GOLM2: variants seen among roughly 807,000 people sequenced by gnomAD.
GOLM2 encodes the protein golgi membrane protein 2, also known as protein GOLM2.
A neutral mutation model predicts 55.9 loss-of-function variants in GOLM2; 26 were observed. The ratio of observed to expected loss-of-function variants is 0.47; its 90% CI spans 0.34 to 0.65. The LOEUF (loss-of-function observed/expected upper bound fraction) is 0.65. GOLM2 is among the 30% of genes least tolerant of loss of function. The pLI is 0.01. For missense variants in GOLM2, 486 were observed against 531.8 expected (o/e 0.91, Z 0.85); for synonymous variants, 165 against 194.6 (o/e 0.85, Z 1.27).
At chr15:44,376,282 T>A (rs1280219655) in intron 6 of GOLM2, among the ~76,000 whole-genome samples, 1 of 152,092 alleles carries the variant, frequency 6.6e-6, no homozygotes, top group Non-Finnish European at 1.5e-5. Context: ...CTATGTTGTT[T>A]CTTGTTTTTA....
At chr15:44,305,103 T>C (rs904333210) in intron 1 of GOLM2, among the ~76,000 whole-genome samples, 30 of 152,138 alleles carry the variant, frequency 2.0e-4, no homozygotes, top group South Asian at 6.2e-4. Flanking sequence ...TGGACTCAGG[T>C]GATCCTCCTA....
intron 1 of GOLM2, among the ~76,000 whole-genome samples, chr15:44,312,654 A>G (rs763899500): frequency 3.9e-5 from 6 of 152,148 alleles, no homozygotes; most frequent in Admixed American, 6.6e-5. Context: ...CATTTAAAAA[A>G]TAGTTGTCTG....
At chr15:44,379,258 C>A (rs2079385352) in intron 6 of GOLM2, among the ~76,000 whole-genome samples, 1 of 152,070 alleles carries the variant, frequency 6.6e-6, no homozygotes, top group South Asian at 2.1e-4. Flanking sequence ...AAGCAGATCA[C>A]CTGAGATCCA....
chr15:44,399,899 G>A (rs2079553387), intron 8 of GOLM2, among the ~76,000 whole-genome samples: 1 of 151,858 alleles, frequency 6.6e-6, no homozygotes, highest in African/African-American at 2.4e-5. Flanking sequence ...GGAGGCTGAA[G>A]CAGGAGAATT....
intron 4 of GOLM2, among the ~76,000 whole-genome samples, chr15:44,335,963 C>T (rs746759565): frequency 3.3e-5 from 5 of 151,376 alleles, no homozygotes; most frequent in Non-Finnish European, 7.4e-5. Context: ...TACAAGCATG[C>T]GCCACCATGC....
intron 4 of GOLM2, 102 bp from the exon 5 acceptor site, chr15:44,337,661 A>G (rs2079065981): frequency 1.3e-6 from 1 of 772,826 alleles, no homozygotes; most frequent in South Asian, 2.2e-5. Context: ...CCCATGGTAT[A>G]TGTTTTACAA....
chr15:44,412,920 T>C (rs1004916911), intron 9 of GOLM2, among the ~76,000 whole-genome samples: 5 of 151,864 alleles, frequency 3.3e-5, no homozygotes, highest in African/African-American at 1.2e-4. Context: ...GGAGAATCGC[T>C]TGATCCTGGG....
intron 1 of GOLM2, among the ~76,000 whole-genome samples, chr15:44,313,230 G>A (rs1045753398): frequency 1.3e-5 from 2 of 152,160 alleles, no homozygotes; most frequent in Non-Finnish European, 2.9e-5. Context: ...TCCAGCCTGG[G>A]CTACAGAGTG....
At chr15:44,300,660 T>G (rs1453108137) in intron 1 of GOLM2, among the ~76,000 whole-genome samples, 1 of 152,216 alleles carries the variant, frequency 6.6e-6, no homozygotes, top group Non-Finnish European at 1.5e-5. Flanking sequence ...AGGGAGTACC[T>G]TTTGACTTAT....
At chr15:44,377,395 C>T (rs990081227) in intron 6 of GOLM2, among the ~76,000 whole-genome samples, 5 of 151,808 alleles carry the variant, frequency 3.3e-5, no homozygotes, top group Non-Finnish European at 5.9e-5. Context: ...TAAAAATAAT[C>T]CTTGTGACTC....
At chr15:44,348,964 TA>T (rs1198837799) in intron 6 of GOLM2, 2 of 151,864 alleles carry the variant, frequency 1.3e-5, no homozygotes, top group African/African-American at 4.8e-5. Context: ...CACTCACCTG[TA>T]AAGACACACA....
chr15:44,347,007 C>G (rs1314403273), intron 6 of GOLM2, among the ~76,000 whole-genome samples: 2 of 151,996 alleles, frequency 1.3e-5, no homozygotes, highest in Admixed American at 1.3e-4. Context: ...ACCTGTAGTC[C>G]TAGCTACTTG....
At chr15:44,312,290 A>C (rs958741047) in intron 1 of GOLM2, among the ~76,000 whole-genome samples, 1 of 152,176 alleles carries the variant, frequency 6.6e-6, no homozygotes, top group African/African-American at 2.4e-5. Flanking sequence ...AACACGTTAC[A>C]TATTATATTT....
intron 6 of GOLM2, among the ~76,000 whole-genome samples, chr15:44,379,298 G>A (rs1479557577): frequency 2.6e-5 from 4 of 152,136 alleles, no homozygotes; most frequent in South Asian, 2.1e-4. Flanking sequence ...CCAACATGGC[G>A]AAACCCCATC....
chr15:44,348,471 G>T (rs1385052916), intron 6 of GOLM2: 4 of 152,230 alleles, frequency 2.6e-5, no homozygotes, highest in African/African-American at 9.7e-5. Context: ...GAGAGACTGA[G>T]ACTCTGTTTT....
At chr15:44,299,926 CAAAAA>C (rs1009141482) in intron 1 of GOLM2, among the ~76,000 whole-genome samples, 2 of 11,536 alleles carry the variant, frequency 1.7e-4, no homozygotes, top group Non-Finnish European at 2.5e-4. Context: ...GGCAACATAG[CAAAAA>C]AAAAAAAAAA....
intron 6 of GOLM2, among the ~76,000 whole-genome samples, chr15:44,339,947 GTA>G (rs2079080325): frequency 6.6e-6 from 1 of 152,084 alleles, no homozygotes; most frequent in Non-Finnish European, 1.5e-5. Flanking sequence ...AGCCTCCTGA[GTA>G]GCAGGAACTA....
chr15:44,289,449 C>A lies in GOLM2; in HGVS notation c.327+93C>A. 8.5e-7 allele frequency: 1 copy of A among 1,180,712 alleles called. No individual in the cohort carries two copies. Among genetic ancestry groups the A allele is most frequent in the Non-Finnish European group, 1.2e-6 (1 of 849,624 alleles). The allele number at this position is 1,180,712 out of a possible 1,614,324, so 73.1% of individuals were successfully genotyped here. The stretch of plus-strand genomic sequence containing the variant: ...TAATCCGCTAGCTGTTGTCTTATGC[C>A]TTCCAGTATTTCAGTCCTGAAGGCT... On this transcript the variant is annotated intron_variant, in intron 1 of 9. Transcript: ENST00000299957. This position sits in a 1 kb window ranked among gnomAD's most constrained non-coding sequence, Gnocchi z 4.8.
rs1274906054 is a variant in GOLM2 at position 44,349,870 on chromosome 15, TAAAC to T, written c.802+11556_802+11559del. On this transcript the variant is annotated intron_variant, in intron 6 of 9. Coordinates refer to ENST00000299957, the MANE Select transcript of GOLM2 (RefSeq NM_138423.4). ...GGGAACTATACAAACACATGGAAAT[TAAAC>T]AATATGCTCCTGAGTCACTAGTGGG... Among the ~76,000 whole-genome samples the T allele has an allele frequency of 3.9e-5, 6 of 152,152 alleles. No individual in the cohort carries two copies. The East Asian group carries it at 1.2e-3, about 29-fold the overall frequency.
Sources: allele counts gnomAD v4.1 joint callset (sites outside exome capture counted in the v4.1 genomes callset), GRCh38; gene constraint gnomAD v4.1.1; non-coding constraint Gnocchi (gnomAD v3.1); transcripts MANE v1.5; gene names NCBI Gene and HGNC (gene_info 2026-07-23, HGNC 2026-07-21).